The following ASL variants were observed in gnomAD, a reference collection of about 807,000 sequenced individuals.
ASL encodes argininosuccinate lyase, also known as argininosuccinase.
ASL carries 51 observed loss-of-function variants against 69.1 expected under a neutral mutation model. The ratio of observed to expected loss-of-function variants is 0.74; its 90% CI spans 0.59 to 0.93. The LOEUF (loss-of-function observed/expected upper bound fraction) is 0.93. Ranked by LOEUF, ASL falls within the 40% of genes least tolerant of loss-of-function variation. The pLI is 0.00. For synonymous variants in ASL, 241 were observed against 247.6 expected, an observed-to-expected ratio of 0.97 and a Z score of 0.25; for missense variants, 540 against 623.9, an observed-to-expected ratio of 0.87 and a Z score of 1.43.
chr7:66,093,198 T>G lies in ASL; in HGVS notation c.*286T>G. The G allele has an allele frequency of 2.0e-6, 1 of 510,338 alleles. No individual in the cohort carries two copies. The highest frequency in any genetic ancestry group is 3.6e-5 in the East Asian group (1 of 27,664). 31.6% of individuals were successfully genotyped at this position (510,338 alleles called of 1,614,324 possible). A position where few individuals can be genotyped will look rare whatever the true frequency, so the allele number is the denominator to read the frequency against. ...CTGGCGTGGTGGCCCATGCATATAG[T>G]CCCAGCTACTTGTAAGGCTGAGGTG... On this transcript the variant is annotated 3_prime_UTR_variant, in exon 17 of 17. Transcript: ENST00000304874.
chr7:66,091,097 C>CAAA (rs71051336), intron 14 of ASL, among the ~76,000 whole-genome samples: 11 of 73,366 alleles, frequency 1.5e-4, no homozygotes, highest in South Asian at 5.2e-4. Flanking sequence ...GACTCCATCT[C>CAAA]AAAAAAAAAA....
rs766832061 is a variant in ASL at position 66,086,640 on chromosome 7, C to A, written c.502C>A (p.Arg168Ser). 1.9e-6 allele frequency: 3 copies of A among 1,613,900 alleles called. No homozygotes were observed. Among genetic ancestry groups the A allele is most frequent in the Non-Finnish European group, 2.5e-6 (3 of 1,180,022 alleles). Residue 168 changes from arginine to serine, a missense_variant, in exon 7 of 17, where the codon CGC (arginine) becomes AGC (serine). By Grantham distance (110) the Arg-to-Ser change is moderately radical. Coordinates refer to ENST00000304874, the MANE Select transcript of ASL (RefSeq NM_000048.4). Reference protein sequence around the residue: ...YTHLQRAQPIRWSHWILSHAV... With the variant: ...YTHLQRAQPISWSHWILSHAV... ...CCATTTGCAGAGGGCCCAGCCCATC[C>A]GCTGGAGCCACTGGATTCTGAGGTG...
chr7:66,081,731 C>T (rs1456444666), intron 2 of ASL, 72 bp from the exon 3 acceptor site: 1 of 1,536,700 alleles, frequency 6.5e-7, no homozygotes, highest in Non-Finnish European at 8.8e-7. Context: ...ATAAGTTTCC[C>T]AAAGACTCTT....
chr7:66,087,353 C>T lies in ASL; in HGVS notation c.622C>T (p.Pro208Ser). The stretch of plus-strand genomic sequence containing the variant: ...CTGCAGTGGGGCCATTGCAGGCAAT[C>T]CCCTGGGTGTGGACCGAGAGCTGCT... ...PLGSGAIAGN[P>S]LGVDRELLRA... is the part of the protein sequence containing the mutation. Residue 208 changes from proline (P) to serine (S), a missense_variant, in exon 9 of 17, where the codon CCC (proline) becomes TCC (serine). By Grantham distance (74) the Pro-to-Ser change is moderately conservative. Transcript: ENST00000304874. The T allele has an allele frequency of 6.2e-7, 1 of 1,606,072 alleles. No homozygotes were observed. Among genetic ancestry groups the T allele is most frequent in the Non-Finnish European group, 8.5e-7 (1 of 1,179,892 alleles).
Position 66,092,349 on chromosome 7 carries a change from C to G in ASL, c.1144-208C>G, listed in dbSNP as rs531911897. 2.0e-5 allele frequency among the ~76,000 whole-genome samples: 3 copies of G among 151,380 alleles called. No homozygotes were observed. In the East Asian group the frequency reaches 5.9e-4, roughly 30 times the overall value. The stretch of plus-strand genomic sequence containing the variant: ...GCACACTCCTGTAATCCCAGTTACT[C>G]GGGAGGCTGAGGCAGGAGAATTGAT... On this transcript the variant is annotated intron_variant, in intron 15 of 16. Coordinates refer to ENST00000304874, the MANE Select transcript of ASL (RefSeq NM_000048.4).
chr7:66,092,349 C>T (rs531911897), intron 15 of ASL, among the ~76,000 whole-genome samples: 5 of 151,380 alleles, frequency 3.3e-5, no homozygotes, highest in African/African-American at 4.8e-5. Flanking sequence ...CCCAGTTACT[C>T]GGGAGGCTGA....
rs143793815 is a variant in ASL, at chr7:66,083,120, C to T, written c.392C>T (p.Thr131Met). ...CTGTGGATGCGGCAGACCTGCTCCA[C>T]GCTCTCGGGCCTCCTCTGGGAGCTC... ...LRLWMRQTCS[T>M]LSGLLWELIR... The change falls in exon 6 of 17, where the codon ACG becomes ATG. Residue 131 changes from threonine to methionine, a missense_variant. Thr to Met is a moderately conservative substitution (Grantham distance 81). Transcript: ENST00000304874. The T allele has an allele frequency of 1.3e-3, 2,056 of 1,613,686 alleles. 31 individuals are homozygous for T. In the South Asian group the frequency reaches 0.014, roughly 11 times the overall value.
At position 66,092,951 on chromosome 7, in the gene ASL, A is replaced by G. The variant is rs1224380900; in HGVS notation, c.*39A>G. The G allele has an allele frequency of 2.5e-6, 4 of 1,575,288 alleles. No individual in the cohort carries two copies. Among genetic ancestry groups the G allele is most frequent in the Non-Finnish European group, 3.4e-6 (4 of 1,168,516 alleles). ...TGCCCCCTAATAAAGTGGGCGCGAGAGGAGGCTGCTGTGTGTTTCCTGCCC... is the reference window on the plus strand; with the variant it reads ...TGCCCCCTAATAAAGTGGGCGCGAGGGGAGGCTGCTGTGTGTTTCCTGCCC... On this transcript the variant is annotated 3_prime_UTR_variant, in exon 17 of 17. Coordinates refer to ENST00000304874, the MANE Select transcript of ASL (RefSeq NM_000048.4).
At chr7:66,084,164 GTT>G (rs77255762) in intron 6 of ASL, among the ~76,000 whole-genome samples, 5 of 141,148 alleles carry the variant, frequency 3.5e-5, no homozygotes, top group Admixed American at 7.1e-5. Flanking sequence ...GTTTGTTGTT[GTT>G]TTTTTTTTTT....
chr7:66,085,056 C>A (rs919856343), intron 6 of ASL, among the ~76,000 whole-genome samples: 3 of 152,112 alleles, frequency 2.0e-5, no homozygotes, highest in African/African-American at 7.2e-5. Flanking sequence ...CCGTGCCTGG[C>A]CTTGAGTACA....
At position 66,085,610 on chromosome 7, in the gene ASL, C is replaced by CT. The variant is rs76552002; in HGVS notation, c.447-960dup. On this transcript the variant is annotated intron_variant, in intron 6 of 16. Transcript: ENST00000304874. ...TCTGGGCAACATAGCAAGACCCCATCTTTTTTTTTTTTTTTGAGACGGAGT... is the reference window on the plus strand; with the variant it reads ...TCTGGGCAACATAGCAAGACCCCATCTTTTTTTTTTTTTTTTGAGACGGAGT... Among the ~76,000 whole-genome samples the CT allele has an allele frequency of 2.1e-3, 302 of 144,070 alleles. 1 individual carries two copies. The highest frequency in any genetic ancestry group is 5.1e-3 in the South Asian group (23 of 4,540). 94.5% of individuals were successfully genotyped at this position (144,070 alleles called of 152,430 possible). A position where few individuals can be genotyped will look rare whatever the true frequency, so the allele number is the denominator to read the frequency against.
In ASL at chr7:66,092,784, G is replaced by A. The variant is rs778321544; in HGVS notation, c.1267G>A (p.Asp423Asn). ...LQTISPLFSG[D>N]VICVWDYGHS... is the part of the protein sequence containing the mutation. Reference sequence around the variant, plus strand: ...TCTCCCCAGCCCCCTGTTCTCGGGCGACGTGATCTGCGTGTGGGACTACGG... The same window carrying A: ...TCTCCCCAGCCCCCTGTTCTCGGGCAACGTGATCTGCGTGTGGGACTACGG... The change falls in exon 17 of 17, where the codon GAC (aspartate) becomes AAC (asparagine). Residue 423 changes from aspartate (D) to asparagine (N), a missense_variant. Physicochemically the swap from Asp to Asn is conservative, Grantham distance 23. Transcript: ENST00000304874. 9 of 1,613,788 alleles carry A rather than the reference G, an allele frequency of 5.6e-6. No homozygotes were observed. Among genetic ancestry groups the A allele is most frequent in the Admixed American group, 5.0e-5 (3 of 59,990 alleles).
intron 2 of ASL, among the ~76,000 whole-genome samples, chr7:66,080,164 C>T (rs1290816622): frequency 3.3e-5 from 5 of 151,280 alleles, no homozygotes; most frequent in Middle Eastern, 3.2e-3. Flanking sequence ...GGGCAGATCA[C>T]GAGGTCAGAT....
Position 66,082,379 on chromosome 7 carries a change from G to A in ASL, c.219G>A (p.Glu73=), listed in dbSNP as rs775520810. ...ILHGLDKVAE[E]WAQGTFKLNS... Reference sequence around the variant, plus strand: ...GCTACCCACTACAGGTGGCTGAGGAGTGGGCCCAGGGCACCTTCAAACTGA... The same window carrying A: ...GCTACCCACTACAGGTGGCTGAGGAATGGGCCCAGGGCACCTTCAAACTGA... The change falls in exon 4 of 17, where the codon GAG becomes GAA. Residue 73 remains glutamate, a synonymous_variant. Transcript: ENST00000304874. 11 of 1,612,222 alleles carry A rather than the reference G, an allele frequency of 6.8e-6. No individual in the cohort carries two copies. The African/African-American group carries it at 1.5e-4, about 22-fold the overall frequency.
At chr7:66,084,164 G>GTT (rs77255762) in intron 6 of ASL, among the ~76,000 whole-genome samples, 1 of 141,222 alleles carries the variant, frequency 7.1e-6, no homozygotes. Context: ...GTTTGTTGTT[G>GTT]TTTTTTTTTT....
At chr7:66,091,690 C>A in intron 14 of ASL, 1 of 394,688 alleles carries the variant, frequency 2.5e-6, no homozygotes, top group Non-Finnish European at 4.8e-6. Context: ...GCACTCCAGC[C>A]TGGACAACAG....
chr7:66,085,420 C>G (rs1786631126), intron 6 of ASL, among the ~76,000 whole-genome samples: 1 of 151,732 alleles, frequency 6.6e-6, no homozygotes, highest in Admixed American at 6.6e-5. Flanking sequence ...TGTAGTGAGC[C>G]GAGATCACGC....
At chr7:66,082,146 T>C in intron 3 of ASL, 149 bp downstream of exon 3, 1 of 1,134,010 alleles carries the variant, frequency 8.8e-7, no homozygotes. Flanking sequence ...CTGTGTGCCT[T>C]GATGACTGCC....
At chr7:66,090,601 G>A (rs1786813693) in intron 14 of ASL, among the ~76,000 whole-genome samples, 2 of 152,000 alleles carry the variant, frequency 1.3e-5, no homozygotes, top group African/African-American at 4.8e-5. Context: ...ATTATTATGG[G>A]AAATTTATGT....
Sources: gnomAD v4.1 joint callset for allele counts (sites outside exome capture counted in the v4.1 genomes callset) on GRCh38, gnomAD v4.1.1 for gene constraint, MANE v1.5 for transcripts, NCBI Gene and HGNC (gene_info 2026-07-23, HGNC 2026-07-21) for gene names.